The following MAGEL2 variants were observed in gnomAD, a reference collection of about 807,000 sequenced individuals.
The protein encoded by MAGEL2 is MAGE-like protein 2.
For missense variants in MAGEL2, 1,830 were observed against 1,699.2 expected, an observed-to-expected ratio of 1.08 and a Z score of -1.35; for synonymous variants, 792 against 721.7, an observed-to-expected ratio of 1.10 and a Z score of -1.56.
Position 23,645,925 on chromosome 15 carries a change from G to A in MAGEL2, c.1818C>T (p.Phe606=). The part of the protein sequence containing the change: ...VPHEIPTSME[F]QEVQQTQALA... Reference sequence around the variant, plus strand: ...GCGCCTGTGTCTGCTGCACCTCCTGGAATTCCATTGACGTTGGAATCTCGT... The same window carrying A: ...GCGCCTGTGTCTGCTGCACCTCCTGAAATTCCATTGACGTTGGAATCTCGT... Residue 606 remains phenylalanine, a synonymous_variant, in exon 1 of 1, where the codon TTC becomes TTT. Coordinates refer to ENST00000650528, the MANE Select transcript of MAGEL2 (RefSeq NM_019066.5). 1 of 1,571,232 alleles carries A rather than the reference G, an allele frequency of 6.4e-7. No homozygotes were observed. Among genetic ancestry groups the A allele is most frequent in the Non-Finnish European group, 8.6e-7 (1 of 1,158,024 alleles).
chr15:23,646,442 G>T lies in MAGEL2; in HGVS notation c.1301C>A (p.Pro434Gln). The T allele has an allele frequency of 7.0e-7, 1 of 1,423,766 alleles. No individual in the cohort carries two copies. Among genetic ancestry groups the T allele is most frequent in the Non-Finnish European group, 9.1e-7 (1 of 1,098,004 alleles). 88.2% of individuals were successfully genotyped at this position (1,423,766 alleles called of 1,614,324 possible). Residue 434 changes from proline to glutamine, a missense_variant, in exon 1 of 1, where the codon CCA becomes CAA. Transcript: ENST00000650528. This position sits in a 1 kb window ranked among gnomAD's most constrained non-coding sequence, Gnocchi z 4.2. Reference protein sequence around the residue: ...RPGPPPVRQAPPLIRQAPPVI... With the variant: ...RPGPPPVRQAQPLIRQAPPVI... ...CGGTGGGGCCTGGCGGATCAGCGGT[G>T]GGGCCTGTCGCACCGGTGGTGGGCC...
rs1890400348 is a variant in MAGEL2 at position 23,646,274 on chromosome 15, G to A, written c.1469C>T (p.Pro490Leu). Residue 490 changes from proline to leucine, a missense_variant, in exon 1 of 1, where the codon CCG becomes CTG. Physicochemically the swap from Pro to Leu is moderately conservative, Grantham distance 98. Coordinates refer to ENST00000650528, the MANE Select transcript of MAGEL2 (RefSeq NM_019066.5). The surrounding 1 kb of genome is among the most constrained non-coding windows in gnomAD (Gnocchi z 4.2). ...CGGCGGCGCCTGGCGGATCAGCGGC[G>A]GGGCCTGGCGGATCACAGGTGGAGC... Reference protein sequence around the residue: ...RQAPPVIRQAPPLIRQAPPPI... With the variant: ...RQAPPVIRQALPLIRQAPPPI... 14 of 1,364,320 alleles carry A rather than the reference G, an allele frequency of 1.0e-5. No homozygotes were observed. Among genetic ancestry groups the A allele is most frequent in the Non-Finnish European group, 1.2e-5 (13 of 1,069,006 alleles). The allele number at this position is 1,364,320 out of a possible 1,614,324, so 84.5% of individuals were successfully genotyped here.
At position 23,644,791 on chromosome 15, in the gene MAGEL2, G is replaced by C. The variant is rs573975752; in HGVS notation, c.2952C>G (p.Ser984Arg). The C allele has an allele frequency of 6.2e-7, 1 of 1,613,496 alleles. No homozygotes were observed. Among genetic ancestry groups the C allele is most frequent in the East Asian group, 2.2e-5 (1 of 44,858 alleles). Residue 984 changes from serine (S) to arginine (R), a missense_variant, in exon 1 of 1, where the codon AGC becomes AGG. Physicochemically the swap from Ser to Arg is moderately radical, Grantham distance 110 (BLOSUM62 -1). Coordinates refer to ENST00000650528, the MANE Select transcript of MAGEL2 (RefSeq NM_019066.5). Reference sequence around the variant, plus strand: ...CAACTACGGGCAGAGAGCTCCCTGGGCTTTCAGAGAGACCCAGGGCCCTGG... The same window carrying C: ...CAACTACGGGCAGAGAGCTCCCTGGCCTTTCAGAGAGACCCAGGGCCCTGG... ...STSRALGLSE[S>R]PGSSLPVVVS... is the part of the protein sequence containing the mutation.
Position 23,644,017 on chromosome 15 carries a change from G to T in MAGEL2, c.3726C>A (p.Pro1242=). 1 of 1,602,714 alleles carries T rather than the reference G, an allele frequency of 6.2e-7. No homozygotes were observed. Among genetic ancestry groups the T allele is most frequent in the South Asian group, 1.1e-5 (1 of 89,822 alleles). Residue 1242 remains proline, a synonymous_variant, in exon 1 of 1, where the codon CCC becomes CCA. Transcript: ENST00000650528. ...ATTAGCGGGGAGGGGGCCTGCTGGTGGGGCCGTGGGCACTGTCACCGGTGT... is the reference window on the plus strand; with the variant it reads ...ATTAGCGGGGAGGGGGCCTGCTGGTTGGGCCGTGGGCACTGTCACCGGTGT... ...EPDTGDSAHG[P]TSRPPPR is the part of the protein sequence containing the mutation.
At position 23,646,873 on chromosome 15, in the gene MAGEL2, A is replaced by G. The variant is rs1223523072; in HGVS notation, c.870T>C (p.His290=). ...KPPGPGVLMI[H]PPGARAPMTQ... ...TCATCGGAGCTCTCGCACCTGGAGGATGAATCATCAGGACTCCTGGACCTG... is the reference window on the plus strand; with the variant it reads ...TCATCGGAGCTCTCGCACCTGGAGGGTGAATCATCAGGACTCCTGGACCTG... The change falls in exon 1 of 1, where the codon CAT becomes CAC. Residue 290 remains histidine (H), a synonymous_variant. Coordinates refer to ENST00000650528, the MANE Select transcript of MAGEL2 (RefSeq NM_019066.5). The surrounding 1 kb of genome is among the most constrained non-coding windows in gnomAD (Gnocchi z 4.2). 6.5e-7 allele frequency: 1 copy of G among 1,536,494 alleles called. No individual in the cohort carries two copies. Among genetic ancestry groups the G allele is most frequent in the South Asian group, 1.2e-5 (1 of 84,024 alleles).
chr15:23,643,856 C>A lies in MAGEL2; in HGVS notation c.*137G>T. On this transcript the variant is annotated 3_prime_UTR_variant, in exon 1 of 1. Transcript: ENST00000650528. ...ACATAAAAAATGTACAAAGCTTTGG[C>A]AGATACGAAACCAAGTTGAAAATCC... 5 of 900,084 alleles carry A rather than the reference C, an allele frequency of 5.6e-6. No homozygotes were observed. In the South Asian group the frequency reaches 6.8e-5, roughly 12 times the overall value. The allele number at this position is 900,084 out of a possible 1,614,324, so 55.8% of individuals were successfully genotyped here.
rs1331236629 is a variant in MAGEL2, at chr15:23,646,294, T to C, written c.1449A>G (p.Pro483=). The C allele has an allele frequency of 7.3e-7, 1 of 1,363,062 alleles. No homozygotes were observed. The highest frequency in any genetic ancestry group is 1.8e-5 in the South Asian group (1 of 54,662). 84.4% of individuals were successfully genotyped at this position (1,363,062 alleles called of 1,614,324 possible). Residue 483 remains proline (P), a synonymous_variant, in exon 1 of 1, where the codon CCA becomes CCG. Transcript: ENST00000650528. The surrounding 1 kb of genome is among the most constrained non-coding windows in gnomAD (Gnocchi z 4.2). The part of the protein sequence containing the change: ...RQAPPVIRQA[P]PVIRQAPPLI... ...GCGGCGGGGCCTGGCGGATCACAGGTGGAGCCTGGCGGATCACAGGTGGGG... is the reference window on the plus strand; with the variant it reads ...GCGGCGGGGCCTGGCGGATCACAGGCGGAGCCTGGCGGATCACAGGTGGGG...
Position 23,645,083 on chromosome 15 carries a change from C to T in MAGEL2, c.2660G>A (p.Arg887Gln), listed in dbSNP as rs199772480. Residue 887 changes from arginine to glutamine, a missense_variant, in exon 1 of 1, where the codon CGG becomes CAG. Arg to Gln is a conservative substitution (Grantham distance 43). Transcript: ENST00000650528. Reference protein sequence around the residue: ...EPPRRSGKATRKKKHLEAQED... With the variant: ...EPPRRSGKATQKKKHLEAQED... ...TTGGGCTTCCAGATGCTTCTTCTTC[C>T]GGGTGGCCTTGCCGGAGCGGCGTGG... The T allele has an allele frequency of 1.4e-4, 233 of 1,613,912 alleles. No homozygotes were observed. Among genetic ancestry groups the T allele is most frequent in the South Asian group, 7.6e-4 (69 of 91,092 alleles).
In MAGEL2 at chr15:23,644,565, C is replaced by G. The variant is rs771085386; in HGVS notation, c.3178G>C (p.Asp1060His). ...TTATTGTTGGCACGGTTGATGATAT[C>G]TAAGCACTCATCTTTATACTCTCGG... ...ILREYKDECLDIINRANNKLE... is the reference protein window; with the variant it reads ...ILREYKDECLHIINRANNKLE... The change falls in exon 1 of 1, where the codon GAT becomes CAT. Residue 1060 changes from aspartate (D) to histidine (H), a missense_variant. Asp to His is a moderately conservative substitution (Grantham distance 81, BLOSUM62 -1). Coordinates refer to ENST00000650528, the MANE Select transcript of MAGEL2 (RefSeq NM_019066.5). 1 of 1,613,962 alleles carries G rather than the reference C, an allele frequency of 6.2e-7. No individual in the cohort carries two copies. The highest frequency in any genetic ancestry group is 2.2e-5 in the East Asian group (1 of 44,874).
chr15:23,646,628 G>T lies in MAGEL2; in HGVS notation c.1115C>A (p.Ser372Ter). 6.8e-7 allele frequency: 1 copy of T among 1,477,370 alleles called. No individual in the cohort carries two copies. The highest frequency in any genetic ancestry group is 8.9e-7 in the Non-Finnish European group (1 of 1,118,174). The allele number at this position is 1,477,370 out of a possible 1,614,324, so 91.5% of individuals were successfully genotyped here. ...LATPPGWQATSPGWQATQQGW... is the reference protein window; with the variant it reads ...LATPPGWQAT ...TTGCTGCGTGGCCTGCCATCCTGGC[G>T]AGGTCGCCTGCCAGCCCGGGGGTGT... Residue 372 changes from serine (S) to a stop codon, truncating the protein, a stop_gained, in exon 1 of 1, where the codon TCG becomes TAG. Coordinates refer to ENST00000650528, the MANE Select transcript of MAGEL2 (RefSeq NM_019066.5). LOFTEE classifies it low-confidence loss of function (END_TRUNC). This position sits in a 1 kb window ranked among gnomAD's most constrained non-coding sequence, Gnocchi z 4.2.
Position 23,646,646 on chromosome 15 carries a change from G to A in MAGEL2, c.1097C>T (p.Pro366Leu), listed in dbSNP as rs1890413027. Residue 366 changes from proline (P) to leucine (L), a missense_variant, in exon 1 of 1, where the codon CCG becomes CTG. Transcript: ENST00000650528. The surrounding 1 kb of genome is among the most constrained non-coding windows in gnomAD (Gnocchi z 4.2). ...QAPPAQLATP[P>L]GWQATSPGWQ... ...TCCTGGCGAGGTCGCCTGCCAGCCC[G>A]GGGGTGTGGCTAGCTGCGCTGGGGG... 1.3e-6 allele frequency: 2 copies of A among 1,487,488 alleles called. No homozygotes were observed. Among genetic ancestry groups the A allele is most frequent in the South Asian group, 1.3e-5 (1 of 75,126 alleles). The allele number at this position is 1,487,488 out of a possible 1,614,324, so 92.1% of individuals were successfully genotyped here. A position where few individuals can be genotyped will look rare whatever the true frequency, so the allele number is the denominator to read the frequency against.
In MAGEL2 at chr15:23,645,315, C is replaced by T. The variant is rs1890371906; in HGVS notation, c.2428G>A (p.Ala810Thr). 1.2e-6 allele frequency: 2 copies of T among 1,613,852 alleles called. No individual in the cohort carries two copies. The highest frequency in any genetic ancestry group is 1.3e-5 in the African/African-American group (1 of 74,936). Residue 810 changes from alanine to threonine, a missense_variant, in exon 1 of 1, where the codon GCC becomes ACC. Ala to Thr is a moderately conservative substitution (Grantham distance 58). Transcript: ENST00000650528. ...SLNAFKGPSA[A>T]SETPKSLPYA... ...GGCAGTGACTTTGGGGTCTCTGAGG[C>T]AGCAGAGGGGCCTTTAAAGGCATTC...
rs375318717 is a variant in MAGEL2 at position 23,644,039 on chromosome 15, G to T, written c.3704C>A (p.Thr1235Asn). ...WEDTDEDEPD[T>N]GDSAHGPTSR... is the part of the protein sequence containing the mutation. ...GGTGGGGCCGTGGGCACTGTCACCG[G>T]TGTCAGGTTCATCCTCATCTGTGTC... The change falls in exon 1 of 1, where the codon ACC (threonine) becomes AAC (asparagine). Residue 1235 changes from threonine (T) to asparagine (N), a missense_variant. Transcript: ENST00000650528. The T allele has an allele frequency of 4.1e-5, 66 of 1,611,868 alleles. No homozygotes were observed. The highest frequency in any genetic ancestry group is 5.3e-5 in the Non-Finnish European group (63 of 1,178,678).
At position 23,645,702 on chromosome 15, in the gene MAGEL2, G is replaced by A; in HGVS notation, c.2041C>T (p.Pro681Ser). Residue 681 changes from proline (P) to serine (S), a missense_variant, in exon 1 of 1, where the codon CCG (proline) becomes TCG (serine). Pro to Ser is a moderately conservative substitution (Grantham distance 74, BLOSUM62 -1). Transcript: ENST00000650528. ...SGPQAEVPTLPLQPSWQAPPA... is the reference protein window; with the variant it reads ...SGPQAEVPTLSLQPSWQAPPA... Reference sequence around the variant, plus strand: ...GGTGCCTGCCAGGAAGGCTGGAGCGGCAGTGTGGGCACCTCCGCTTGCGGA... The same window carrying A: ...GGTGCCTGCCAGGAAGGCTGGAGCGACAGTGTGGGCACCTCCGCTTGCGGA... The A allele has an allele frequency of 6.4e-7, 1 of 1,556,918 alleles. No individual in the cohort carries two copies. Among genetic ancestry groups the A allele is most frequent in the Non-Finnish European group, 8.7e-7 (1 of 1,153,932 alleles).
In MAGEL2 at chr15:23,643,797, CA is replaced by C; in HGVS notation, c.*195del. 1.9e-6 allele frequency: 1 copy of C among 519,748 alleles called. No individual in the cohort carries two copies. Among genetic ancestry groups the C allele is most frequent in the East Asian group, 3.1e-5 (1 of 32,144 alleles). 32.2% of individuals were successfully genotyped at this position (519,748 alleles called of 1,614,324 possible). A position where few individuals can be genotyped will look rare whatever the true frequency, so the allele number is the denominator to read the frequency against. On this transcript the variant is annotated 3_prime_UTR_variant, in exon 1 of 1. Coordinates refer to ENST00000650528, the MANE Select transcript of MAGEL2 (RefSeq NM_019066.5). Reference sequence around the variant, plus strand: ...ACTTAAAAACACAGATGCCAAAATACAGAACAGAACAGTAGCCGATTGAAAT... The same window carrying C: ...ACTTAAAAACACAGATGCCAAAATACGAACAGAACAGTAGCCGATTGAAAT...
chr15:23,644,270 G>A lies in MAGEL2; in HGVS notation c.3473C>T (p.Thr1158Ile), dbSNP rs903212062. 6.2e-7 allele frequency: 1 copy of A among 1,613,658 alleles called. No homozygotes were observed. Among genetic ancestry groups the A allele is most frequent in the Non-Finnish European group, 8.5e-7 (1 of 1,179,876 alleles). The change falls in exon 1 of 1, where the codon ACC becomes ATC. Residue 1158 changes from threonine to isoleucine, a missense_variant. Coordinates refer to ENST00000650528, the MANE Select transcript of MAGEL2 (RefSeq NM_019066.5). ...GTACTTCTGCCTGACAAACACTTCGGTGATGAGCTTCTTAGTATTTCCAAA... is the reference window on the plus strand; with the variant it reads ...GTACTTCTGCCTGACAAACACTTCGATGATGAGCTTCTTAGTATTTCCAAA... ...GLFGNTKKLI[T>I]EVFVRQKYLE... is the part of the protein sequence containing the mutation.
chr15:23,646,614 C>G lies in MAGEL2; in HGVS notation c.1129G>C (p.Ala377Pro). Residue 377 changes from alanine to proline, a missense_variant, in exon 1 of 1, where the codon GCC (alanine) becomes CCC (proline). Ala to Pro is a conservative substitution (Grantham distance 27). Transcript: ENST00000650528. This position sits in a 1 kb window ranked among gnomAD's most constrained non-coding sequence, Gnocchi z 4.2. ...GWQATSPGWQATQQGWQATPL... is the reference protein window; with the variant it reads ...GWQATSPGWQPTQQGWQATPL... Reference sequence around the variant, plus strand: ...GTGGCCTGCCAGCCTTGCTGCGTGGCCTGCCATCCTGGCGAGGTCGCCTGC... The same window carrying G: ...GTGGCCTGCCAGCCTTGCTGCGTGGGCTGCCATCCTGGCGAGGTCGCCTGC... 6.8e-7 allele frequency: 1 copy of G among 1,472,040 alleles called. No individual in the cohort carries two copies. The highest frequency in any genetic ancestry group is 9.0e-7 in the Non-Finnish European group (1 of 1,115,954). 91.2% of individuals were successfully genotyped at this position (1,472,040 alleles called of 1,614,324 possible).
Position 23,647,295 on chromosome 15 carries a change from A to C in MAGEL2, c.448T>G (p.Ser150Ala), listed in dbSNP as rs541262134. 2.0e-6 allele frequency: 3 copies of C among 1,522,670 alleles called. No individual in the cohort carries two copies. The highest frequency in any genetic ancestry group is 1.5e-5 in the African/African-American group (1 of 68,112). 94.3% of individuals were successfully genotyped at this position (1,522,670 alleles called of 1,614,324 possible). A position where few individuals can be genotyped will look rare whatever the true frequency, so the allele number is the denominator to read the frequency against. Residue 150 changes from serine (S) to alanine (A), a missense_variant, in exon 1 of 1, where the codon TCC becomes GCC. Physicochemically the swap from Ser to Ala is moderately conservative, Grantham distance 99. Transcript: ENST00000650528. Reference sequence around the variant, plus strand: ...GGGGTCCCCGGAGGGGGAGGGTGGGACATTGGGGTCCCCGGAGGAGGAGGA... The same window carrying C: ...GGGGTCCCCGGAGGGGGAGGGTGGGCCATTGGGGTCCCCGGAGGAGGAGGA... ...AHPPPPGTPMSHPPPPGTPMA... is the reference protein window; with the variant it reads ...AHPPPPGTPMAHPPPPGTPMA...
rs1256362315 is a variant in MAGEL2 at position 23,645,959 on chromosome 15, G to C, written c.1784C>G (p.Pro595Arg). ...TGACGTTGGAATCTCGTGTGGCACC[G>C]GGGGCTGACCTTTGGGGGCCTGCCA... Reference protein sequence around the residue: ...IIWQAPKGQPPVPHEIPTSME... With the variant: ...IIWQAPKGQPRVPHEIPTSME... Residue 595 changes from proline (P) to arginine (R), a missense_variant, in exon 1 of 1, where the codon CCG becomes CGG. Physicochemically the swap from Pro to Arg is moderately radical, Grantham distance 103. Transcript: ENST00000650528. 6.4e-7 allele frequency: 1 copy of C among 1,564,924 alleles called. No homozygotes were observed.
Sources: allele counts gnomAD v4.1 joint callset, GRCh38; gene constraint gnomAD v4.1.1; non-coding constraint Gnocchi (gnomAD v3.1); transcripts MANE v1.5; gene names NCBI Gene and HGNC (gene_info 2026-07-23, HGNC 2026-07-21).